The following ARID1B variants were observed in gnomAD, a reference collection of about 807,000 sequenced individuals.
The protein encoded by ARID1B is AT-rich interaction domain 1B.
A neutral mutation model predicts 212.3 loss-of-function variants in ARID1B; 30 were observed. The ratio of observed to expected loss-of-function variants is 0.14; its 90% CI spans 0.11 to 0.19. ARID1B has a LOEUF of 0.19. Ranked by LOEUF, ARID1B falls within the 10% of genes least tolerant of loss-of-function variation. The probability of loss-of-function intolerance (pLI) is 1.00; values close to 1 mark genes in which losing one functional copy is unlikely to be tolerated. For synonymous variants in ARID1B, 1,402 were observed against 1,301.7 expected (o/e 1.08, Z -1.66); for missense variants, 2,891 against 3,204.0 (o/e 0.90, Z 2.36).
chr6:157,062,708 T>C (rs141783469), intron 4 of ARID1B, among the ~76,000 whole-genome samples: 2 of 77,658 alleles, frequency 2.6e-5, no homozygotes, highest in Non-Finnish European at 5.8e-5. Context: ...ATATATATAT[T>C]TTTTTTTTTT....
intron 4 of ARID1B, among the ~76,000 whole-genome samples, chr6:156,950,725 A>G (rs1364653467): frequency 6.6e-6 from 1 of 152,140 alleles, no homozygotes; most frequent in Non-Finnish European, 1.5e-5. Context: ...GTAACTGGGG[A>G]AGTTATAGAG....
At chr6:157,005,474 A>G (rs1230983486) in intron 4 of ARID1B, among the ~76,000 whole-genome samples, 1 of 152,192 alleles carries the variant, frequency 6.6e-6, no homozygotes, top group Non-Finnish European at 1.5e-5. Context: ...GGCATTTCTA[A>G]CACAAAAGAT....
intron 4 of ARID1B, among the ~76,000 whole-genome samples, chr6:157,061,111 C>CT (rs1583235099): frequency 6.6e-6 from 1 of 152,144 alleles, no homozygotes; most frequent in Non-Finnish European, 1.5e-5. Flanking sequence ...CCAAGACAAT[C>CT]TTTTTTTCCT....
In ARID1B at chr6:156,945,131, T is replaced by C. The variant is rs1198817406; in HGVS notation, c.2247+9555T>C. 4.7e-5 allele frequency among the ~76,000 whole-genome samples: 7 copies of C among 148,346 alleles called. No individual in the cohort carries two copies. In the East Asian group the frequency reaches 1.4e-3, roughly 29 times the overall value. ...TTTTTTTTTTTAGTAGAGACGGGGT[T>C]TCACCATGTTAGCCAGGATGGTCTT... On this transcript the variant is annotated intron_variant, in intron 4 of 19. Transcript: ENST00000636930.
At chr6:156,873,035 G>A (rs1412899003) in intron 2 of ARID1B, among the ~76,000 whole-genome samples, 4 of 143,594 alleles carry the variant, frequency 2.8e-5, no homozygotes, top group Admixed American at 2.1e-4. Context: ...CGGACAGCGA[G>A]GCAGTGACCA....
At chr6:157,082,865 C>G (rs1378979086) in intron 4 of ARID1B, among the ~76,000 whole-genome samples, 1 of 152,186 alleles carries the variant, frequency 6.6e-6, no homozygotes, top group Admixed American at 6.5e-5. Context: ...AGATATTCTT[C>G]TTAGCAGAAG....
chr6:157,192,613 T>C (rs750251771), intron 15 of ARID1B, among the ~76,000 whole-genome samples: 7 of 152,256 alleles, frequency 4.6e-5, no homozygotes, highest in Non-Finnish European at 7.3e-5. Context: ...ACTGAATGCC[T>C]GTCGCTTTCA....
chr6:156,967,070 A>G lies in ARID1B; in HGVS notation c.2247+31494A>G, dbSNP rs545956219. 3.3e-5 allele frequency among the ~76,000 whole-genome samples: 5 copies of G among 152,132 alleles called. No homozygotes were observed. In the South Asian group the frequency reaches 1.0e-3, roughly 32 times the overall value. ...AACTCAGCCCATTTTCTTCTTCTCA[A>G]TCTGGTCTTTGTTAATGTTGATAAC... On this transcript the variant is annotated intron_variant, in intron 4 of 19. Coordinates refer to ENST00000636930, the MANE Select transcript of ARID1B (RefSeq NM_001374828.1).
chr6:156,937,940 A>G (rs1005018197), intron 4 of ARID1B: 7 of 149,878 alleles, frequency 4.7e-5, no homozygotes, highest in South Asian at 4.2e-4. Flanking sequence ...GGTTGACTCA[A>G]TAGTACTTCA....
chr6:157,114,871 G>A (rs1447068881), intron 6 of ARID1B, among the ~76,000 whole-genome samples: 2 of 152,154 alleles, frequency 1.3e-5, no homozygotes, highest in Non-Finnish European at 2.9e-5. Flanking sequence ...TCCTCATGGG[G>A]CAGTGATGCT....
intron 1 of ARID1B, among the ~76,000 whole-genome samples, chr6:156,791,068 T>A (rs1448626129): frequency 1.3e-5 from 2 of 152,254 alleles, no homozygotes; most frequent in African/African-American, 4.8e-5. Context: ...AAGAATATGC[T>A]TTTTTAGTCT....
At chr6:157,128,591 C>G (rs1050261072) in intron 6 of ARID1B, among the ~76,000 whole-genome samples, 3 of 152,196 alleles carry the variant, frequency 2.0e-5, no homozygotes, top group African/African-American at 7.2e-5. Flanking sequence ...CATTATTACA[C>G]CAACTGAAAG....
chr6:157,113,618 G>A lies in ARID1B; in HGVS notation c.2581+3057G>A, dbSNP rs559865514. Among the ~76,000 whole-genome samples the A allele has an allele frequency of 5.3e-5, 8 of 152,198 alleles. No homozygotes were observed. In the East Asian group the frequency reaches 7.7e-4, roughly 15 times the overall value. ...AGCACTAGGGGGACGGTGCTAAACC[G>A]CTAGAAACCACCCCCATGATCCAAT... is the stretch of plus-strand genomic sequence containing the variant. On this transcript the variant is annotated intron_variant, in intron 6 of 19. Transcript: ENST00000636930.
intron 5 of ARID1B, among the ~76,000 whole-genome samples, chr6:157,087,135 A>G (rs1785013898): frequency 6.6e-6 from 1 of 152,192 alleles, no homozygotes; most frequent in African/African-American, 2.4e-5. Flanking sequence ...TAGTACCGGG[A>G]GGAAATTAGG....
At chr6:157,015,125 G>A (rs1397658728) in intron 4 of ARID1B, among the ~76,000 whole-genome samples, 1 of 152,172 alleles carries the variant, frequency 6.6e-6, no homozygotes, top group Non-Finnish European at 1.5e-5. Context: ...AATATTTGGG[G>A]AGTAAGTTTG....
chr6:157,111,783 T>C (rs1273755384), intron 6 of ARID1B, among the ~76,000 whole-genome samples: 1 of 152,196 alleles, frequency 6.6e-6, no homozygotes, highest in Non-Finnish European at 1.5e-5. Context: ...CATATATATA[T>C]TATAATTTAA....
rs531319602 is a variant in ARID1B, at chr6:157,181,681, C to T, written c.3714+503C>T. 4.9e-4 allele frequency among the ~76,000 whole-genome samples: 74 copies of T among 152,284 alleles called. 1 individual carries two copies. In the South Asian group the frequency reaches 0.015, roughly 31 times the overall value. On this transcript the variant is annotated intron_variant, in intron 12 of 19. Coordinates refer to ENST00000636930, the MANE Select transcript of ARID1B (RefSeq NM_001374828.1). ...TTGCTGTGACCTCCAGCGGGCTAGG[C>T]CTGAGGTGTGACAGGGGAGCTGCCT... is the stretch of plus-strand genomic sequence containing the variant.
At chr6:157,028,912 CT>C (rs1257743542) in intron 4 of ARID1B, among the ~76,000 whole-genome samples, 3 of 152,142 alleles carry the variant, frequency 2.0e-5, no homozygotes, top group Non-Finnish European at 4.4e-5. Context: ...CTCAAAATTA[CT>C]TTTTAAAATT....
intron 8 of ARID1B, among the ~76,000 whole-genome samples, chr6:157,163,975 A>G (rs1182590505): frequency 2.6e-5 from 4 of 152,202 alleles, no homozygotes; most frequent in Non-Finnish European, 4.4e-5. Flanking sequence ...AACCTTTCTG[A>G]TCTTTATTGC....
Sources: allele counts gnomAD v4.1 joint callset (sites outside exome capture counted in the v4.1 genomes callset), GRCh38; gene constraint gnomAD v4.1.1; transcripts MANE v1.5; gene names NCBI Gene and HGNC (gene_info 2026-07-23, HGNC 2026-07-21).